MTG1: variants seen among roughly 807,000 people sequenced by gnomAD.
MTG1 encodes mitochondrial ribosome associated GTPase 1.
MTG1 carries 30 observed loss-of-function variants against 39.5 expected under a neutral mutation model. That is an observed-to-expected ratio of 0.76 (90% confidence interval 0.57 to 1.03). The LOEUF (loss-of-function observed/expected upper bound fraction) is 1.03. MTG1 is among the 50% of genes least tolerant of loss of function. MTG1 has a pLI of 0.00. For synonymous variants in MTG1, 217 were observed against 179.0 expected (o/e 1.21, Z -1.69); for missense variants, 513 against 447.4 (o/e 1.15, Z -1.32).
chr10:133,398,417 A>G lies in MTG1; in HGVS notation c.283-18A>G. Reference sequence around the variant, plus strand: ...CTCCAGTAAAAAAAGTAACATAGAAATGTTTTGTGTCTTTCAGAAAATTAT... The same window carrying G: ...CTCCAGTAAAAAAAGTAACATAGAAGTGTTTTGTGTCTTTCAGAAAATTAT... On this transcript the variant is annotated intron_variant, in intron 3 of 10. Coordinates refer to ENST00000317502, the MANE Select transcript of MTG1 (RefSeq NM_138384.4). 1.2e-6 allele frequency: 2 copies of G among 1,609,110 alleles called. No individual in the cohort carries two copies. Among genetic ancestry groups the G allele is most frequent in the Non-Finnish European group, 1.7e-6 (2 of 1,178,408 alleles).
chr10:133,413,121 G>GT (rs1435481073), intron 9 of MTG1, among the ~76,000 whole-genome samples: 1 of 152,000 alleles, frequency 6.6e-6, no homozygotes, highest in Non-Finnish European at 1.5e-5. Context: ...CACCACTTTT[G>GT]TTTTTTTGAG....
intron 6 of MTG1, 55 bp from the exon 7 acceptor site, chr10:133,401,474 C>A (rs375858260): frequency 3.7e-4 from 538 of 1,456,580 alleles, no homozygotes; most frequent in South Asian, 5.7e-4. Flanking sequence ...CCTACTTGTT[C>A]TGCAGCTTCT....
intron 9 of MTG1, among the ~76,000 whole-genome samples, chr10:133,409,455 T>C (rs1850014355): frequency 6.6e-6 from 1 of 152,244 alleles, no homozygotes; most frequent in African/African-American, 2.4e-5. Context: ...ACATATGGTA[T>C]ATTCTGTAGA....
At chr10:133,396,388 G>T in intron 3 of MTG1, 121 bp downstream of exon 3, 1 of 836,328 alleles carries the variant, frequency 1.2e-6, no homozygotes, top group Non-Finnish European at 2.0e-6. Flanking sequence ...CTCTGCTTTA[G>T]AAACAGCCCT....
At chr10:133,411,123 T>G (rs929019506) in intron 9 of MTG1, among the ~76,000 whole-genome samples, 33 of 152,228 alleles carry the variant, frequency 2.2e-4, no homozygotes, top group Non-Finnish European at 2.9e-5. Flanking sequence ...TGAAGAACTT[T>G]TTTTTAGCAT....
intron 9 of MTG1, among the ~76,000 whole-genome samples, chr10:133,411,926 C>T (rs1421440372): frequency 6.6e-5 from 10 of 151,802 alleles, no homozygotes; most frequent in Non-Finnish European, 1.5e-4. Flanking sequence ...TACACGTTGC[C>T]ATCTCATTAG....
intron 9 of MTG1, among the ~76,000 whole-genome samples, chr10:133,414,592 C>T (rs1359550897): frequency 6.6e-6 from 1 of 151,842 alleles, no homozygotes; most frequent in Non-Finnish European, 1.5e-5. Flanking sequence ...AGACACTCCT[C>T]ACTTCCTAGA....
At position 133,402,456 on chromosome 10, in the gene MTG1, C is replaced by A; in HGVS notation, c.670+211C>A. 2 of 694,724 alleles carry A rather than the reference C, an allele frequency of 2.9e-6. No individual in the cohort carries two copies. The highest frequency in any genetic ancestry group is 1.8e-5 in the South Asian group (1 of 55,904). The allele number at this position is 694,724 out of a possible 1,614,324, so 43.0% of individuals were successfully genotyped here. On this transcript the variant is annotated intron_variant, in intron 8 of 10. Transcript: ENST00000317502. The surrounding 1 kb of genome is among the most constrained non-coding windows in gnomAD (Gnocchi z 4.7). Reference sequence around the variant, plus strand: ...CCATTCCACCCTGCCCCATGAGTGGCCTTCCCTTTCCCCATTTGACGGACC... The same window carrying A: ...CCATTCCACCCTGCCCCATGAGTGGACTTCCCTTTCCCCATTTGACGGACC...
chr10:133,406,268 A>G (rs1211294982), intron 9 of MTG1, among the ~76,000 whole-genome samples: 2 of 152,076 alleles, frequency 1.3e-5, no homozygotes, highest in South Asian at 2.1e-4. Flanking sequence ...ATTTTCTCCT[A>G]TTCTGTAGAT....
At chr10:133,396,953 T>C (rs1042964139) in intron 3 of MTG1, among the ~76,000 whole-genome samples, 7 of 152,158 alleles carry the variant, frequency 4.6e-5, no homozygotes, top group African/African-American at 1.7e-4. Context: ...CACCCGCTAC[T>C]TAGCAGACCG....
chr10:133,420,652 A>C lies in MTG1; in HGVS notation c.*487A>C, dbSNP rs1850216405. 2 of 154,618 alleles carry C rather than the reference A, an allele frequency of 1.3e-5. No individual in the cohort carries two copies. Among genetic ancestry groups the C allele is most frequent in the Admixed American group, 6.5e-5 (1 of 15,340 alleles). 9.6% of individuals were successfully genotyped at this position (154,618 alleles called of 1,614,324 possible). A position where few individuals can be genotyped will look rare whatever the true frequency, so the allele number is the denominator to read the frequency against. ...TCCAGTGTCTTGCAGTCCTACAACA[A>C]GTGAGAGGCTTGCTGCCATCAGAGA... On this transcript the variant is annotated 3_prime_UTR_variant, in exon 11 of 11. Transcript: ENST00000317502.
chr10:133,411,668 G>A (rs1421806564), intron 9 of MTG1, among the ~76,000 whole-genome samples: 1 of 151,556 alleles, frequency 6.6e-6, no homozygotes, highest in African/African-American at 2.4e-5. Context: ...TCTTCTATAT[G>A]TTTTCAAATA....
intron 3 of MTG1, 22 bp downstream of exon 3, chr10:133,396,289 G>A (rs762606117): frequency 2.8e-5 from 44 of 1,586,736 alleles, no homozygotes; most frequent in South Asian, 2.4e-4. Flanking sequence ...TCTCTCAGAC[G>A]CCTTCAGCAG....
intron 9 of MTG1, among the ~76,000 whole-genome samples, chr10:133,415,207 C>T (rs555071816): frequency 1.2e-4 from 18 of 150,820 alleles, no homozygotes; most frequent in African/African-American, 3.4e-4. Context: ...GGAGCGGGAG[C>T]GGGAGAGGGA....
chr10:133,398,328 AG>A, intron 3 of MTG1, 106 bp from the exon 4 acceptor site: 3 of 1,025,150 alleles, frequency 2.9e-6, no homozygotes, highest in Non-Finnish European at 4.3e-6. Flanking sequence ...TGAACCAGGG[AG>A]GCGGAGGTTG....
At position 133,420,455 on chromosome 10, in the gene MTG1, G is replaced by A; in HGVS notation, c.*290G>A. On this transcript the variant is annotated 3_prime_UTR_variant, in exon 11 of 11. Transcript: ENST00000317502. ...TTGAGAAATGGATGCTGTCTCAGAA[G>A]GAGTTAAAGCTATAACCTGTAACCT... 1 of 393,880 alleles carries A rather than the reference G, an allele frequency of 2.5e-6. No homozygotes were observed. The highest frequency in any genetic ancestry group is 4.5e-6 in the Non-Finnish European group (1 of 221,990). The allele number at this position is 393,880 out of a possible 1,614,324, so 24.4% of individuals were successfully genotyped here. A position where few individuals can be genotyped will look rare whatever the true frequency, so the allele number is the denominator to read the frequency against.
At position 133,402,897 on chromosome 10, in the gene MTG1, G is replaced by A. The variant is rs1849907849; in HGVS notation, c.752+124G>A. The A allele has an allele frequency of 9.9e-6, 7 of 708,400 alleles. No individual in the cohort carries two copies. The highest frequency in any genetic ancestry group is 4.0e-5 in the South Asian group (2 of 50,394). 43.9% of individuals were successfully genotyped at this position (708,400 alleles called of 1,614,324 possible). The stretch of plus-strand genomic sequence containing the variant: ...TTATAAACACGGTAACCTGCACATC[G>A]TTTAAAGCGTCCAGTTGGACAAGTT... On this transcript the variant is annotated intron_variant, in intron 9 of 10. Coordinates refer to ENST00000317502, the MANE Select transcript of MTG1 (RefSeq NM_138384.4). The surrounding 1 kb of genome is among the most constrained non-coding windows in gnomAD (Gnocchi z 4.7).
Position 133,394,179 on chromosome 10 carries a change from G to T in MTG1, c.-42G>T, listed in dbSNP as rs1052770893. 2 of 1,440,410 alleles carry T rather than the reference G, an allele frequency of 1.4e-6. No individual in the cohort carries two copies. Among genetic ancestry groups the T allele is most frequent in the Non-Finnish European group, 1.9e-6 (2 of 1,073,826 alleles). The allele number at this position is 1,440,410 out of a possible 1,614,324, so 89.2% of individuals were successfully genotyped here. A position where few individuals can be genotyped will look rare whatever the true frequency, so the allele number is the denominator to read the frequency against. The stretch of plus-strand genomic sequence containing the variant: ...CTCAGAGGCGGGTCGCAGCGGCGCA[G>T]AGGAGGTCAGCTGCGGGAGCGTTTC... On this transcript the variant is annotated 5_prime_UTR_variant, in exon 1 of 11. Coordinates refer to ENST00000317502, the MANE Select transcript of MTG1 (RefSeq NM_138384.4).
rs1849830756 is a variant in MTG1, at chr10:133,399,156, G to A, written c.364-14G>A. On this transcript the variant is annotated splice_polypyrimidine_tract_variant and intron_variant, in intron 4 of 10. Transcript: ENST00000317502. Reference sequence around the variant, plus strand: ...CCGACCTGGGGTGGCTCCATGAGTGGGTGTTTGTTGCAGATCATCCCGATG... The same window carrying A: ...CCGACCTGGGGTGGCTCCATGAGTGAGTGTTTGTTGCAGATCATCCCGATG... The A allele has an allele frequency of 4.3e-6, 7 of 1,614,056 alleles. No individual in the cohort carries two copies. The highest frequency in any genetic ancestry group is 2.2e-5 in the East Asian group (1 of 44,880).
Sources: gnomAD v4.1 joint callset for allele counts (sites outside exome capture counted in the v4.1 genomes callset) on GRCh38, gnomAD v4.1.1 for gene constraint, Gnocchi (gnomAD v3.1) non-coding constraint, MANE v1.5 for transcripts, NCBI Gene and HGNC (gene_info 2026-07-23, HGNC 2026-07-21) for gene names.